Variants in NTSR1 observed in about 807,000 individuals in gnomAD.
NTSR1 encodes the protein neurotensin receptor type 1.
NTSR1 carries 29 observed loss-of-function variants against 31.2 expected under a neutral mutation model. The observed-to-expected ratio is 0.93, with a 90% CI of 0.69 to 1.27. The LOEUF is 1.27. Ranked by LOEUF, NTSR1 falls within the 50% of genes most tolerant of loss-of-function variation. NTSR1 has a pLI of 0.00. For synonymous variants in NTSR1, 282 were observed against 269.9 expected (o/e 1.04, Z -0.44); for missense variants, 697 against 595.4 (o/e 1.17, Z -1.78).
At position 62,718,847 on chromosome 20, in the gene NTSR1, G is replaced by A. The variant is rs1043976572; in HGVS notation, c.714+8926G>A. 5.3e-5 allele frequency among the ~76,000 whole-genome samples: 8 copies of A among 152,172 alleles called. No individual in the cohort carries two copies. The East Asian group carries it at 1.5e-3, about 29-fold the overall frequency. On this transcript the variant is annotated intron_variant, in intron 1 of 3. Transcript: ENST00000370501. ...CAAATATTCACATATGATGAATTTTGTGTGAATATACATTTTCATTTCTCA... is the reference window on the plus strand; with the variant it reads ...CAAATATTCACATATGATGAATTTTATGTGAATATACATTTTCATTTCTCA...
chr20:62,758,930 C>T lies in NTSR1; in HGVS notation c.1007+574C>T, dbSNP rs1205850533. ...GGCCGATCACAGGGGCACCCACTGC[C>T]TGGCAAAACCCCTACTGTTTGCACC... is the stretch of plus-strand genomic sequence containing the variant. On this transcript the variant is annotated intron_variant, in intron 3 of 3. Coordinates refer to ENST00000370501, the MANE Select transcript of NTSR1 (RefSeq NM_002531.3). This position sits in a 1 kb window ranked among gnomAD's most constrained non-coding sequence, Gnocchi z 4.5. Among the ~76,000 whole-genome samples, 1 of 152,184 alleles carries T rather than the reference C, an allele frequency of 6.6e-6. No individual in the cohort carries two copies. The highest frequency in any genetic ancestry group is 1.5e-5 in the Non-Finnish European group (1 of 68,024).
chr20:62,722,485 C>T (rs535368792), intron 1 of NTSR1, among the ~76,000 whole-genome samples: 32 of 152,334 alleles, frequency 2.1e-4, no homozygotes, highest in Admixed American at 1.3e-4. Flanking sequence ...CACGCTGGGC[C>T]AGCACAGATC....
At position 62,709,099 on chromosome 20, in the gene NTSR1, G is replaced by A. The variant is rs8120014; in HGVS notation, c.-109G>A. On this transcript the variant is annotated 5_prime_UTR_variant, in exon 1 of 4. Transcript: ENST00000370501. ...GCGCGCCCGCTGGTCTTCGCCACGC[G>A]CCCTCCCCTGGGCTCCCGTTCATCG... 4,503 of 905,954 alleles carry A rather than the reference G, an allele frequency of 5.0e-3. 150 individuals carry two copies. In the African/African-American group the frequency reaches 0.068, roughly 14 times the overall value. 56.1% of individuals were successfully genotyped at this position (905,954 alleles called of 1,614,324 possible).
chr20:62,710,779 A>G lies in NTSR1; in HGVS notation c.714+858A>G, dbSNP rs141297747. Reference sequence around the variant, plus strand: ...TGATCAAACCAAAGCCCCGAGCAGGAGGCTGGTGTCCAGGGAGGAAGTCAG... The same window carrying G: ...TGATCAAACCAAAGCCCCGAGCAGGGGGCTGGTGTCCAGGGAGGAAGTCAG... On this transcript the variant is annotated intron_variant, in intron 1 of 3. Coordinates refer to ENST00000370501, the MANE Select transcript of NTSR1 (RefSeq NM_002531.3). Among the ~76,000 whole-genome samples the G allele has an allele frequency of 6.7e-3, 1,023 of 152,266 alleles. 16 individuals are homozygous for G. The highest frequency in any genetic ancestry group is 0.024 in the African/African-American group (993 of 41,532).
rs1405496298 is a variant in NTSR1, at chr20:62,709,034, C to CGGGGCGG, written c.-173_-167dup. On this transcript the variant is annotated 5_prime_UTR_variant, in exon 1 of 4. Coordinates refer to ENST00000370501, the MANE Select transcript of NTSR1 (RefSeq NM_002531.3). ...AGAGCGGAGCCCGGAGCCCGGAGCC[C>CGGGGCGG]GGGGCGGCGCGTCTGGGTCTGGCGC... 5 of 479,496 alleles carry CGGGGCGG rather than the reference C, an allele frequency of 1.0e-5. No homozygotes were observed. The highest frequency in any genetic ancestry group is 1.4e-5 in the Non-Finnish European group (4 of 282,360). The allele number at this position is 479,496 out of a possible 1,614,324, so 29.7% of individuals were successfully genotyped here. A position where few individuals can be genotyped will look rare whatever the true frequency, so the allele number is the denominator to read the frequency against.
Position 62,741,303 on chromosome 20 carries a change from A to T in NTSR1, c.715-13382A>T, listed in dbSNP as rs1473376885. 7.3e-6 allele frequency among the ~76,000 whole-genome samples: 1 copy of T among 136,142 alleles called. No individual in the cohort carries two copies. Among genetic ancestry groups the T allele is most frequent in the Non-Finnish European group, 1.5e-5 (1 of 67,576 alleles). The allele number at this position is 136,142 out of a possible 152,430, so 89.3% of individuals were successfully genotyped here. On this transcript the variant is annotated intron_variant, in intron 1 of 3. Transcript: ENST00000370501. This position sits in a 1 kb window ranked among gnomAD's most constrained non-coding sequence, Gnocchi z 4.3. ...GTTCTGCCAAGTCCCCACTCAGACA[A>T]TGGCCTCTATAGCTCCAGCAATCAG...
intron 2 of NTSR1, among the ~76,000 whole-genome samples, chr20:62,756,112 G>A (rs974120087): frequency 5.3e-5 from 8 of 151,864 alleles, no homozygotes; most frequent in African/African-American, 1.7e-4. Flanking sequence ...CACTCTGGGG[G>A]AACAGGGGCT....
In NTSR1 at chr20:62,709,259, C is replaced by A. The variant is rs1209145256; in HGVS notation, c.52C>A (p.Pro18Thr). Residue 18 changes from proline to threonine, a missense_variant, in exon 1 of 4, where the codon CCC (proline) becomes ACC (threonine). Transcript: ENST00000370501. ...AACCCCGGGCACGCCGGCCGCCGAC[C>A]CCTTCCAGCGGGCGCAGGCCGGACT... ...PGTPGTPAAD[P>T]FQRAQAGLEE... is the part of the protein sequence containing the mutation. 6.5e-7 allele frequency: 1 copy of A among 1,540,704 alleles called. No homozygotes were observed. The highest frequency in any genetic ancestry group is 8.7e-7 in the Non-Finnish European group (1 of 1,149,962).
rs1346629712 is a variant in NTSR1 at position 62,741,510 on chromosome 20, G to A, written c.715-13175G>A. On this transcript the variant is annotated intron_variant, in intron 1 of 3. Coordinates refer to ENST00000370501, the MANE Select transcript of NTSR1 (RefSeq NM_002531.3). This position sits in a 1 kb window ranked among gnomAD's most constrained non-coding sequence, Gnocchi z 4.3. Reference sequence around the variant, plus strand: ...CAGCTGGCTTGGGGGTCCCTACACCGGCCCCCTGCCCCACACCATGTTCCT... The same window carrying A: ...CAGCTGGCTTGGGGGTCCCTACACCAGCCCCCTGCCCCACACCATGTTCCT... 6.7e-6 allele frequency among the ~76,000 whole-genome samples: 1 copy of A among 149,382 alleles called. No individual in the cohort carries two copies. Among genetic ancestry groups the A allele is most frequent in the Non-Finnish European group, 1.5e-5 (1 of 67,992 alleles).
chr20:62,738,079 CT>C (rs111864945), intron 1 of NTSR1, among the ~76,000 whole-genome samples: 5 of 152,140 alleles, frequency 3.3e-5, no homozygotes, highest in African/African-American at 1.2e-4. Context: ...CCTCCCCCTC[CT>C]CTGCCTATGC....
At chr20:62,740,200 C>T (rs6011046) in intron 1 of NTSR1, among the ~76,000 whole-genome samples, 2,670 of 152,346 alleles carry the variant, frequency 0.018, 77 homozygotes, top group African/African-American at 0.06. Flanking sequence ...TGATCTGTCA[C>T]GTTAGTGCCC....
intron 1 of NTSR1, among the ~76,000 whole-genome samples, chr20:62,735,779 G>A (rs1197479103): frequency 3.3e-5 from 5 of 152,196 alleles, no homozygotes; most frequent in East Asian, 1.9e-4. Context: ...CACACACTGC[G>A]ACCGGGGACC....
rs953226376 is a variant in NTSR1, at chr20:62,711,890, A to G, written c.714+1969A>G. ...ACGGCCGGCCACAGGCACTCGTCCA[A>G]TCGCAGAGGCCTGTGACGTATCAAC... On this transcript the variant is annotated intron_variant, in intron 1 of 3. Transcript: ENST00000370501. The surrounding 1 kb of genome is among the most constrained non-coding windows in gnomAD (Gnocchi z 6.4). Among the ~76,000 whole-genome samples the G allele has an allele frequency of 6.6e-6, 1 of 152,188 alleles. No individual in the cohort carries two copies. The highest frequency in any genetic ancestry group is 2.4e-5 in the African/African-American group (1 of 41,462).
chr20:62,711,917 G>A lies in NTSR1; in HGVS notation c.714+1996G>A, dbSNP rs779480968. 5.9e-5 allele frequency among the ~76,000 whole-genome samples: 9 copies of A among 152,236 alleles called. No individual in the cohort carries two copies. Among genetic ancestry groups the A allele is most frequent in the Admixed American group, 1.3e-4 (2 of 15,292 alleles). ...CGCAGAGGCCTGTGACGTATCAACCGTAGGACAGCGGCCCCACGCCCTGCA... is the reference window on the plus strand; with the variant it reads ...CGCAGAGGCCTGTGACGTATCAACCATAGGACAGCGGCCCCACGCCCTGCA... On this transcript the variant is annotated intron_variant, in intron 1 of 3. Coordinates refer to ENST00000370501, the MANE Select transcript of NTSR1 (RefSeq NM_002531.3). The surrounding 1 kb of genome is among the most constrained non-coding windows in gnomAD (Gnocchi z 6.4).
intron 2 of NTSR1, among the ~76,000 whole-genome samples, chr20:62,757,055 C>T (rs542637976): frequency 6.6e-6 from 1 of 152,264 alleles, no homozygotes; most frequent in South Asian, 2.1e-4. Context: ...TGATGGCATC[C>T]TTTGATACAC....
intron 1 of NTSR1, 101 bp from the exon 2 acceptor site, chr20:62,754,584 C>T (rs1989447156): frequency 1.1e-6 from 1 of 952,018 alleles, no homozygotes; most frequent in Non-Finnish European, 1.7e-6. Context: ...GCACCTCACA[C>T]TGAGCAGGCC....
intron 1 of NTSR1, among the ~76,000 whole-genome samples, chr20:62,726,659 C>T (rs1183881420): frequency 1.3e-5 from 2 of 150,522 alleles, no homozygotes; most frequent in Admixed American, 6.6e-5. Context: ...GGCACTACTG[C>T]ACTCCAGCCT....
chr20:62,729,254 G>A lies in NTSR1; in HGVS notation c.714+19333G>A, dbSNP rs371101609. Among the ~76,000 whole-genome samples, 9 of 152,230 alleles carry A rather than the reference G, an allele frequency of 5.9e-5. No homozygotes were observed. The East Asian group carries it at 9.6e-4, about 16-fold the overall frequency. On this transcript the variant is annotated intron_variant, in intron 1 of 3. Coordinates refer to ENST00000370501, the MANE Select transcript of NTSR1 (RefSeq NM_002531.3). ...ACTTGGGGGCTCCGGGAGGAGGGCA[G>A]GGTGGGGAGAGAGTAGCTCCCTGGG...
intron 1 of NTSR1, among the ~76,000 whole-genome samples, chr20:62,728,847 C>T (rs551827946): frequency 9.8e-5 from 15 of 152,328 alleles, no homozygotes; most frequent in African/African-American, 3.4e-4. Flanking sequence ...AACCGGCCCT[C>T]AGTGGAGTCC....
Sources: gnomAD v4.1 joint callset for allele counts (sites outside exome capture counted in the v4.1 genomes callset) on GRCh38, gnomAD v4.1.1 for gene constraint, Gnocchi (gnomAD v3.1) non-coding constraint, MANE v1.5 for transcripts, NCBI Gene and HGNC (gene_info 2026-07-23, HGNC 2026-07-21) for gene names.